The following NEB variants were observed in gnomAD, a reference collection of about 807,000 sequenced individuals.
NEB encodes nemaline myopathy type 2.
NEB carries 512 observed loss-of-function variants against 952.2 expected under a neutral mutation model. The observed-to-expected ratio is 0.54, with a 90% confidence interval of 0.50 to 0.58. The LOEUF (loss-of-function observed/expected upper bound fraction) is 0.58, where lower values mean the gene tolerates loss of function less well. Among genes scored for constraint, NEB ranks in the 20% least tolerant of loss-of-function variants. NEB has a pLI of 0.00. For missense variants in NEB, 8,428 were observed against 9,231.1 expected (o/e 0.91, Z 3.56); for synonymous variants, 2,900 against 3,149.8 (o/e 0.92, Z 2.66).
chr2:151,497,751 C>T, intron 170 of NEB, 33 bp from the exon 171 acceptor site: 1 of 1,553,714 alleles, frequency 6.4e-7, no homozygotes, highest in Non-Finnish European at 8.7e-7. Flanking sequence ...GAAAAACAAC[C>T]ATGAGTAACA....
At chr2:151,724,203 G>T in intron 8 of NEB, 57 bp downstream of exon 8, 2 of 1,306,478 alleles carry the variant, frequency 1.5e-6, no homozygotes, top group Non-Finnish European at 1.1e-6. Flanking sequence ...AGTATTACAT[G>T]AAATATATGA....
intron 162 of NEB, chr2:151,507,247 G>A (rs2069890139): frequency 9.4e-6 from 4 of 424,382 alleles, no homozygotes; most frequent in African/African-American, 2.1e-5. Context: ...CCCTTGCTTA[G>A]TAGATTTAAC....
In NEB at chr2:151,632,806, C is replaced by T. The variant is rs564794233; in HGVS notation, c.9414+848G>A. On this transcript the variant is annotated intron_variant, in intron 65 of 181. Coordinates refer to ENST00000397345, the MANE Select transcript of NEB (RefSeq NM_001164508.2). The stretch of plus-strand genomic sequence containing the variant: ...TGAGGAAGGTAATCCAGAGAAGGTG[C>T]CCAACAAATAGACAGATGGTAAGCA... 4.6e-5 allele frequency among the ~76,000 whole-genome samples: 7 copies of T among 152,110 alleles called. No homozygotes were observed. The South Asian group carries it at 1.5e-3, about 32-fold the overall frequency.
At chr2:151,733,298 T>C in intron 2 of NEB, 113 bp from the exon 3 acceptor site, 1 of 766,736 alleles carries the variant, frequency 1.3e-6, no homozygotes, top group South Asian at 1.9e-5. Context: ...CAAATTCATA[T>C]ATTGTTGCAG....
At position 151,692,243 on chromosome 2, in the gene NEB, A is replaced by G. The variant is rs779176863; in HGVS notation, c.1998+18T>C. The G allele has an allele frequency of 6.2e-7, 1 of 1,610,976 alleles. No individual in the cohort carries two copies. Among genetic ancestry groups the G allele is most frequent in the Admixed American group, 1.7e-5 (1 of 60,006 alleles). On this transcript the variant is annotated intron_variant, in intron 21 of 181. Transcript: ENST00000397345. ...AGGAAAGCCCTCCTACCCGAAAGGT[A>G]ACCGTGGCTTTTCGAACCTCACTGA...
rs562850745 is a variant in NEB at position 151,497,137 on chromosome 2, T to G, written c.24301-104A>C. On this transcript the variant is annotated intron_variant, in intron 171 of 181. Transcript: ENST00000397345. Reference sequence around the variant, plus strand: ...CTTCCTTGTTAAGACAAAACACAGTTGTCCAAGGAGCCAGAAGTTATATGC... The same window carrying G: ...CTTCCTTGTTAAGACAAAACACAGTGGTCCAAGGAGCCAGAAGTTATATGC... The G allele has an allele frequency of 9.3e-6, 13 of 1,394,254 alleles. 1 individual carries two copies. In the South Asian group the frequency reaches 1.7e-4, roughly 19 times the overall value. The allele number at this position is 1,394,254 out of a possible 1,614,324, so 86.4% of individuals were successfully genotyped here. A position where few individuals can be genotyped will look rare whatever the true frequency, so the allele number is the denominator to read the frequency against.
At chr2:151,624,832 A>G (rs1226591809) in intron 71 of NEB, among the ~76,000 whole-genome samples, 1 of 152,176 alleles carries the variant, frequency 6.6e-6, no homozygotes, top group Non-Finnish European at 1.5e-5. Context: ...GCAAGACGCT[A>G]TTTATGCAGC....
Position 151,529,202 on chromosome 2 carries a change from G to T in NEB, c.21735+8C>A, listed in dbSNP as rs748883194. On this transcript the variant is annotated splice_region_variant and intron_variant, in intron 146 of 181. Transcript: ENST00000397345. ...CCCACCATGCTTGGGGAAGTTTCTG[G>T]AACTTACATTGGTGTTGACTTTGTA... 5 of 1,591,982 alleles carry T rather than the reference G, an allele frequency of 3.1e-6. No individual in the cohort carries two copies. Among genetic ancestry groups the T allele is most frequent in the Non-Finnish European group, 4.3e-6 (5 of 1,160,150 alleles).
chr2:151,697,301 C>T, intron 15 of NEB, 49 bp from the exon 16 acceptor site: 2 of 1,609,272 alleles, frequency 1.2e-6, no homozygotes, highest in Non-Finnish European at 8.5e-7. Context: ...GTATTCATGC[C>T]CTGAGAAAAA....
intron 167 of NEB, among the ~76,000 whole-genome samples, chr2:151,501,923 T>C (rs2064940330): frequency 6.6e-6 from 1 of 152,064 alleles, no homozygotes; most frequent in South Asian, 2.1e-4. Context: ...ATACTGAAAG[T>C]TTTCCAAAGG....
intron 18 of NEB, 76 bp from the exon 19 acceptor site, chr2:151,694,705 T>A: frequency 1.9e-6 from 2 of 1,050,552 alleles, no homozygotes; most frequent in Non-Finnish European, 2.9e-6. Flanking sequence ...AGTGGGTAAC[T>A]AAATACCTTA....
chr2:151,610,483 G>C (rs1173451700), intron 80 of NEB, 33 bp downstream of exon 80: 2 of 1,521,006 alleles, frequency 1.3e-6, no homozygotes, highest in Non-Finnish European at 9.1e-7. Context: ...CAGCACAGTG[G>C]AGACCACAGA....
chr2:151,564,882 T>G (rs987484603), intron 117 of NEB, among the ~76,000 whole-genome samples, 162 bp downstream of exon 117: 3 of 152,228 alleles, frequency 2.0e-5, no homozygotes, highest in Admixed American at 6.5e-5. Context: ...GCTATTTGCC[T>G]TGAATAACAT....
Position 151,725,488 on chromosome 2 carries a change from GA to G in NEB, c.366del (p.Arg123AlafsTer28). ...PYASTTDTPE[L>X]RRIKKVQDQL... is the part of the protein sequence containing the mutation. ...TGATCTTGTACTTTTTTGATTCTGC[GA>G]AGTTCTGGAGTATCTGTTGTGCTGG... On this transcript the variant is annotated frameshift_variant, in exon 6 of 182. Coordinates refer to ENST00000397345, the MANE Select transcript of NEB (RefSeq NM_001164508.2). LOFTEE classifies it high-confidence loss of function. 6.2e-7 allele frequency: 1 copy of G among 1,613,068 alleles called. No individual in the cohort carries two copies. Among genetic ancestry groups the G allele is most frequent in the South Asian group, 1.1e-5 (1 of 90,896 alleles).
intron 3 of NEB, 113 bp from the exon 4 acceptor site, chr2:151,729,769 T>C: frequency 9.1e-7 from 1 of 1,102,480 alleles, no homozygotes; most frequent in Middle Eastern, 2.0e-4. Context: ...TTGGAATGTC[T>C]GTGGGAAAGG....
chr2:151,662,626 T>G (rs1011962223), intron 45 of NEB, among the ~76,000 whole-genome samples: 1 of 152,218 alleles, frequency 6.6e-6, no homozygotes, highest in Non-Finnish European at 1.5e-5. Context: ...GAAAAAGTAC[T>G]AAGAAATACC....
intron 135 of NEB, among the ~76,000 whole-genome samples, chr2:151,544,692 C>A (rs184578813): frequency 2.0e-5 from 3 of 152,302 alleles, no homozygotes; most frequent in African/African-American, 7.2e-5. Flanking sequence ...CTGATTCTGG[C>A]TCACTGAGTG....
At position 151,653,852 on chromosome 2, in the gene NEB, G is replaced by C. The variant is rs951291883; in HGVS notation, c.6915+140C>G. 9.4e-6 allele frequency: 5 copies of C among 532,070 alleles called. No individual in the cohort carries two copies. In the African/African-American group the frequency reaches 9.6e-5, roughly 10 times the overall value. 33.0% of individuals were successfully genotyped at this position (532,070 alleles called of 1,614,324 possible). A position where few individuals can be genotyped will look rare whatever the true frequency, so the allele number is the denominator to read the frequency against. ...ACAGTGAAAGAGAAGAGTGAACTCC[G>C]GATAAATGAAGAGGGTAGGAGAAAA... On this transcript the variant is annotated intron_variant, in intron 52 of 181. Transcript: ENST00000397345.
At chr2:151,694,750 CT>C in intron 18 of NEB, 121 bp from the exon 19 acceptor site, 1 of 751,638 alleles carries the variant, frequency 1.3e-6, no homozygotes, top group Non-Finnish European at 2.2e-6. Flanking sequence ...TTTTTATTGT[CT>C]AGGAAATCAT....
Sources: allele counts gnomAD v4.1 joint callset (sites outside exome capture counted in the v4.1 genomes callset), GRCh38; gene constraint gnomAD v4.1.1; transcripts MANE v1.5; gene names NCBI Gene and HGNC (gene_info 2026-07-23, HGNC 2026-07-21).